The following NTM variants were observed in gnomAD, a reference collection of about 807,000 sequenced individuals.
The protein encoded by NTM is IgLON family member 2.
Under a neutral mutation model 42.1 loss-of-function variants are expected in NTM, and 13 were observed. The ratio of observed to expected loss-of-function variants is 0.31; its 90% CI spans 0.20 to 0.49. The LOEUF (loss-of-function observed/expected upper bound fraction) is 0.49. Among genes scored for constraint, NTM ranks in the 20% least tolerant of loss-of-function variants. The pLI is 0.99. For missense variants in NTM, 373 were observed against 452.8 expected (o/e 0.82, Z 1.60); for synonymous variants, 187 against 179.2 (o/e 1.04, Z -0.35).
At chr11:131,829,035 A>G (rs1176315914) in intron 1 of NTM, among the ~76,000 whole-genome samples, 1 of 151,716 alleles carries the variant, frequency 6.6e-6, no homozygotes, top group African/African-American at 2.4e-5. Context: ...AAGCACTCAC[A>G]CATACTTATA....
intron 2 of NTM, among the ~76,000 whole-genome samples, chr11:132,061,561 T>C (rs1594233533): frequency 6.6e-6 from 1 of 152,210 alleles, no homozygotes; most frequent in East Asian, 1.9e-4. Context: ...TTGAATTGTA[T>C]TGAATGATAA....
Position 132,200,916 on chromosome 11 carries a change from G to A in NTM, c.401-11106G>A, listed in dbSNP as rs116907118. Among the ~76,000 whole-genome samples, 204 of 152,306 alleles carry A rather than the reference G, an allele frequency of 1.3e-3. 1 individual carries two copies. The East Asian group carries it at 0.028, about 21-fold the overall frequency. ...CCTATACATACATACTTACATATTT[G>A]TTTACCTGTATGATATCAAGATGTA... On this transcript the variant is annotated intron_variant, in intron 3 of 8. Coordinates refer to ENST00000683400, the MANE Select transcript of NTM (RefSeq NM_001352005.2).
At chr11:132,241,249 G>T (rs2090137708) in intron 4 of NTM, among the ~76,000 whole-genome samples, 1 of 152,090 alleles carries the variant, frequency 6.6e-6, no homozygotes, top group South Asian at 2.1e-4. Flanking sequence ...TAAGAAATTT[G>T]CCTTCTGTAA....
intron 1 of NTM, among the ~76,000 whole-genome samples, chr11:131,531,855 C>A (rs1384198542): frequency 1.3e-5 from 2 of 152,218 alleles, no homozygotes; most frequent in East Asian, 3.9e-4. Context: ...TTTTGGAGGG[C>A]AAGATAGGGA....
intron 1 of NTM, among the ~76,000 whole-genome samples, chr11:131,437,340 G>T (rs1949226144): frequency 6.6e-6 from 1 of 152,166 alleles, no homozygotes; most frequent in South Asian, 2.1e-4. Context: ...GGATATCCTT[G>T]TTAACCTTCT....
intron 1 of NTM, among the ~76,000 whole-genome samples, chr11:131,663,910 T>C (rs1382189317): frequency 6.6e-6 from 1 of 152,052 alleles, no homozygotes. Flanking sequence ...TTGCCCAAGG[T>C]CACATGACCT....
chr11:131,439,258 G>A (rs1015105597), intron 1 of NTM, among the ~76,000 whole-genome samples: 1 of 152,156 alleles, frequency 6.6e-6, no homozygotes, highest in African/African-American at 2.4e-5. Context: ...GGCTACTCGG[G>A]GGTCAGGGAC....
At chr11:131,384,174 C>T (rs1943031136) in intron 1 of NTM, among the ~76,000 whole-genome samples, 1 of 152,076 alleles carries the variant, frequency 6.6e-6, no homozygotes, top group South Asian at 2.1e-4. Context: ...TGAAAAAAGA[C>T]AGTCTTCAAC....
chr11:131,561,929 A>G (rs529287391), intron 1 of NTM, among the ~76,000 whole-genome samples: 1 of 152,322 alleles, frequency 6.6e-6, no homozygotes, highest in East Asian at 1.9e-4. Context: ...TGAATTTCAC[A>G]ATGTCCTATT....
At chr11:132,037,618 T>G (rs1447218344) in intron 2 of NTM, among the ~76,000 whole-genome samples, 4 of 152,160 alleles carry the variant, frequency 2.6e-5, no homozygotes, top group Non-Finnish European at 5.9e-5. Context: ...TTCAGTGTTG[T>G]TATCAGAGAA....
chr11:131,443,369 T>C (rs1455664222), intron 1 of NTM, among the ~76,000 whole-genome samples: 1 of 152,232 alleles, frequency 6.6e-6, no homozygotes, highest in Non-Finnish European at 1.5e-5. Flanking sequence ...TATGGTTGTA[T>C]CATATTTGGA....
At chr11:132,301,417 T>G (rs1049013337) in intron 4 of NTM, among the ~76,000 whole-genome samples, 1 of 152,192 alleles carries the variant, frequency 6.6e-6, no homozygotes, top group Non-Finnish European at 1.5e-5. Flanking sequence ...AAGTCTTTCA[T>G]GAAAACAGCT....
intron 1 of NTM, among the ~76,000 whole-genome samples, chr11:131,569,588 T>C (rs1453004604): frequency 1.3e-5 from 2 of 150,844 alleles, no homozygotes; most frequent in Non-Finnish European, 3.0e-5. Flanking sequence ...TTTTTTTTTT[T>C]TTTCTTTGAT....
At chr11:131,781,583 G>A (rs976604385) in intron 1 of NTM, among the ~76,000 whole-genome samples, 1 of 152,066 alleles carries the variant, frequency 6.6e-6, no homozygotes, top group Non-Finnish European at 1.5e-5. Flanking sequence ...ATGGAATATA[G>A]CATAAAATAA....
intron 1 of NTM, among the ~76,000 whole-genome samples, chr11:131,567,917 C>T (rs1464844371): frequency 5.3e-5 from 8 of 152,316 alleles, no homozygotes; most frequent in Non-Finnish European, 1.5e-5. Flanking sequence ...AATCATAGCA[C>T]ATGGTATGTG....
intron 1 of NTM, among the ~76,000 whole-genome samples, chr11:131,848,034 A>G (rs2045118536): frequency 6.6e-6 from 1 of 152,206 alleles, no homozygotes; most frequent in African/African-American, 2.4e-5. Context: ...TAAGAGAAAC[A>G]GTTGTTCTCT....
chr11:132,259,566 G>T lies in NTM; in HGVS notation c.526+47419G>T, dbSNP rs888136416. ...GTGGTGGTGCACACCTGTAATCCCA[G>T]CTACTCGGGAGGCTGAGGCAGGAGA... is the stretch of plus-strand genomic sequence containing the variant. On this transcript the variant is annotated intron_variant, in intron 4 of 8. Transcript: ENST00000683400. Among the ~76,000 whole-genome samples the T allele has an allele frequency of 6.6e-5, 10 of 151,730 alleles. 1 individual carries two copies. Among genetic ancestry groups the T allele is most frequent in the South Asian group, 6.3e-4 (3 of 4,772 alleles).
At chr11:131,703,625 A>G (rs2076287998) in intron 1 of NTM, among the ~76,000 whole-genome samples, 1 of 152,188 alleles carries the variant, frequency 6.6e-6, no homozygotes, top group Non-Finnish European at 1.5e-5. Context: ...ACACAAAAAC[A>G]CTTTCACAGG....
intron 2 of NTM, among the ~76,000 whole-genome samples, chr11:132,055,248 A>G (rs2079450155): frequency 6.6e-6 from 1 of 152,210 alleles, no homozygotes; most frequent in Non-Finnish European, 1.5e-5. Context: ...TGTTCCAATT[A>G]TGGTGCTCAC....
Sources: allele counts gnomAD v4.1 joint callset (sites outside exome capture counted in the v4.1 genomes callset), GRCh38; gene constraint gnomAD v4.1.1; transcripts MANE v1.5; gene names NCBI Gene and HGNC (gene_info 2026-07-23, HGNC 2026-07-21).